The following RET variants were observed in gnomAD, a reference collection of about 807,000 sequenced individuals.
RET encodes proto-oncogene tyrosine-protein kinase receptor Ret.
In RET, 19 loss-of-function variants were observed where a neutral mutation model predicts 118.3. The observed-to-expected ratio is 0.16, with a 90% CI of 0.11 to 0.24. The LOEUF (loss-of-function observed/expected upper bound fraction) is 0.24. Among genes scored for constraint, RET ranks in the 10% least tolerant of loss-of-function variants. RET has a pLI of 1.00. For synonymous variants in RET, 597 were observed against 644.1 expected, an observed-to-expected ratio of 0.93 and a Z score of 1.11; for missense variants, 1,219 against 1,502.1, an observed-to-expected ratio of 0.81 and a Z score of 3.12.
In RET at chr10:43,114,858, C is replaced by T. The variant is rs1324711908; in HGVS notation, c.2136+122C>T. On this transcript the variant is annotated intron_variant, in intron 11 of 19. Coordinates refer to ENST00000355710, the MANE Select transcript of RET (RefSeq NM_020975.6). This position sits in a 1 kb window ranked among gnomAD's most constrained non-coding sequence, Gnocchi z 4.6. Reference sequence around the variant, plus strand: ...GGCTGCCAACGCTGGGCAGACGAGGCCTGTGTTCTGCCCCCATTTCCATAG... The same window carrying T: ...GGCTGCCAACGCTGGGCAGACGAGGTCTGTGTTCTGCCCCCATTTCCATAG... The T allele has an allele frequency of 9.2e-7, 1 of 1,081,586 alleles. No individual in the cohort carries two copies. Among genetic ancestry groups the T allele is most frequent in the East Asian group, 2.6e-5 (1 of 38,552 alleles). The allele number at this position is 1,081,586 out of a possible 1,614,324, so 67.0% of individuals were successfully genotyped here. A position where few individuals can be genotyped will look rare whatever the true frequency, so the allele number is the denominator to read the frequency against.
At chr10:43,118,074 TC>T (rs1159716255) in intron 12 of RET, among the ~76,000 whole-genome samples, 3 of 152,194 alleles carry the variant, frequency 2.0e-5, no homozygotes, top group African/African-American at 7.2e-5. Flanking sequence ...ACGACTGTCT[TC>T]TAAAGACAAT....
At chr10:43,117,662 GA>G (rs1295133691) in intron 12 of RET, among the ~76,000 whole-genome samples, 26 of 152,348 alleles carry the variant, frequency 1.7e-4, no homozygotes, top group African/African-American at 6.3e-4. Context: ...CCACCATCGG[GA>G]CGCATGTGCT....
At position 43,129,912 on chromosome 10, in the gene RET, G is replaced by A; in HGVS notation, c.*1643G>A. ...ATATCTATAGACATGGTAAACTTTT[G>A]GTTTTCAGATATGCTTAATGATAGT... On this transcript the variant is annotated 3_prime_UTR_variant, in exon 20 of 20. Transcript: ENST00000355710. The A allele has an allele frequency of 5.0e-6, 2 of 398,802 alleles. No homozygotes were observed. The highest frequency in any genetic ancestry group is 6.3e-4 in the Middle Eastern group (1 of 1,586). 24.7% of individuals were successfully genotyped at this position (398,802 alleles called of 1,614,324 possible).
In RET at chr10:43,106,875, C is replaced by A. The variant is rs1837792914; in HGVS notation, c.1063+304C>A. Among the ~76,000 whole-genome samples, 1 of 152,224 alleles carries A rather than the reference C, an allele frequency of 6.6e-6. No individual in the cohort carries two copies. Among genetic ancestry groups the A allele is most frequent in the Non-Finnish European group, 1.5e-5 (1 of 68,032 alleles). On this transcript the variant is annotated intron_variant, in intron 5 of 19. Coordinates refer to ENST00000355710, the MANE Select transcript of RET (RefSeq NM_020975.6). The surrounding 1 kb of genome is among the most constrained non-coding windows in gnomAD (Gnocchi z 5.1). ...CACCACCGACTGCAAACACACATGT[C>A]ACCTGAGGCTTTCCTCCAGCCCCTG...
Position 43,106,274 on chromosome 10 carries a change from C to A in RET, c.868-102C>A. On this transcript the variant is annotated intron_variant, in intron 4 of 19. Transcript: ENST00000355710. This position sits in a 1 kb window ranked among gnomAD's most constrained non-coding sequence, Gnocchi z 5.1. ...CTCTGACAACACACATCTGGTCCAC[C>A]TATGGGCTGTGTGGGACGTGCAGCA... The A allele has an allele frequency of 8.6e-7, 1 of 1,156,318 alleles. No individual in the cohort carries two copies. Among genetic ancestry groups the A allele is most frequent in the Non-Finnish European group, 1.3e-6 (1 of 794,692 alleles). 71.6% of individuals were successfully genotyped at this position (1,156,318 alleles called of 1,614,324 possible). A position where few individuals can be genotyped will look rare whatever the true frequency, so the allele number is the denominator to read the frequency against.
In RET at chr10:43,111,164, C is replaced by T. The variant is rs374278957; in HGVS notation, c.1264-43C>T. 508 of 1,610,638 alleles carry T rather than the reference C, an allele frequency of 3.2e-4. 1 individual carries two copies. The East Asian group carries it at 6.4e-3, about 20-fold the overall frequency. On this transcript the variant is annotated intron_variant, in intron 6 of 19. Transcript: ENST00000355710. The stretch of plus-strand genomic sequence containing the variant: ...TCTCTACCCTCAGGCCATTACAGGC[C>T]GGTCCAGCTGCCTGGCTAAGGTGTT...
At chr10:43,127,255 C>T (rs897642544) in intron 19 of RET, 1 of 1,072,958 alleles carries the variant, frequency 9.3e-7, no homozygotes, top group Non-Finnish European at 1.1e-6. Context: ...GTCCCAGCCA[C>T]ATGTCCTCCA....
Position 43,102,448 on chromosome 10 carries a change from C to G in RET, c.444C>G (p.Ser148=), listed in dbSNP as rs1554817550. ...QWPGCARVYF[S]FFNTSFPACS... ...CAGGCTGTGCCCGCGTATACTTCTC[C>G]TTCTTCAACACCTCCTTTCCAGCCT... The change falls in exon 3 of 20, where the codon TCC becomes TCG. Residue 148 remains serine (S), a synonymous_variant. Transcript: ENST00000355710. 6.2e-7 allele frequency: 1 copy of G among 1,614,142 alleles called. No homozygotes were observed. Among genetic ancestry groups the G allele is most frequent in the Admixed American group, 1.7e-5 (1 of 60,008 alleles).
In RET at chr10:43,110,627, T is replaced by C. The variant is rs564860738; in HGVS notation, c.1264-580T>C. ...ATCCCCAGGAGAAGAGGCTCCTCTT[T>C]CCCAGAGGCTCTGCTCAAAGTCCCA... is the stretch of plus-strand genomic sequence containing the variant. On this transcript the variant is annotated intron_variant, in intron 6 of 19. Coordinates refer to ENST00000355710, the MANE Select transcript of RET (RefSeq NM_020975.6). Among the ~76,000 whole-genome samples, 13 of 152,218 alleles carry C rather than the reference T, an allele frequency of 8.5e-5. No homozygotes were observed. The South Asian group carries it at 2.7e-3, about 32-fold the overall frequency.
In RET at chr10:43,111,201, C is replaced by T. The variant is rs1255010070; in HGVS notation, c.1264-6C>T. The stretch of plus-strand genomic sequence containing the variant: ...CTGGCTAAGGTGTTCCCCTGTGCCC[C>T]CCTAGATCGGGAAAGTCTGTGTGGA... On this transcript the variant is annotated splice_region_variant and splice_polypyrimidine_tract_variant and intron_variant, in intron 6 of 19. Transcript: ENST00000355710. 4 of 1,613,644 alleles carry T rather than the reference C, an allele frequency of 2.5e-6. No individual in the cohort carries two copies. The highest frequency in any genetic ancestry group is 1.7e-6 in the Non-Finnish European group (2 of 1,179,922).
intron 3 of RET, 42 bp downstream of exon 3, chr10:43,102,671 C>T (rs1267634778): frequency 1.1e-5 from 17 of 1,611,452 alleles, no homozygotes; most frequent in Non-Finnish European, 1.4e-5. Flanking sequence ...GTGCCTGCTA[C>T]TGCTGGTCTT....
intron 1 of RET, among the ~76,000 whole-genome samples, chr10:43,098,012 T>C (rs1180359438): frequency 1.3e-5 from 2 of 152,240 alleles, no homozygotes; most frequent in African/African-American, 2.4e-5. Context: ...TGCAGGTTCT[T>C]AATGGATTTT....
chr10:43,095,852 G>T (rs567802387), intron 1 of RET, among the ~76,000 whole-genome samples: 7 of 152,240 alleles, frequency 4.6e-5, no homozygotes, highest in Non-Finnish European at 8.8e-5. Context: ...GAGCAAGCAG[G>T]ACCTTCCCCC....
intron 9 of RET, 21 bp downstream of exon 9, chr10:43,112,984 G>A (rs1386563608): frequency 6.3e-7 from 1 of 1,595,304 alleles, no homozygotes. Context: ...TTTAATCAGG[G>A]CATGGGAACA....
chr10:43,088,391 T>A (rs879778894), intron 1 of RET, among the ~76,000 whole-genome samples: 3 of 147,840 alleles, frequency 2.0e-5, no homozygotes, highest in Admixed American at 6.7e-5. Flanking sequence ...GTGATGGTGA[T>A]GGTGGTGGTG....
At chr10:43,091,744 A>G (rs1166880256) in intron 1 of RET, among the ~76,000 whole-genome samples, 1 of 151,634 alleles carries the variant, frequency 6.6e-6, no homozygotes, top group Non-Finnish European at 1.5e-5. Flanking sequence ...AAAGATTCTC[A>G]GCATTGCCAC....
Position 43,113,673 on chromosome 10 carries a change from A to G in RET, c.1877A>G (p.Gln626Arg). 2 of 1,613,194 alleles carry G rather than the reference A, an allele frequency of 1.2e-6. No homozygotes were observed. Among genetic ancestry groups the G allele is most frequent in the Non-Finnish European group, 1.7e-6 (2 of 1,179,850 alleles). The change falls in exon 10 of 20, where the codon CAG becomes CGG. Residue 626 changes from glutamine (Q) to arginine (R), a missense_variant and splice_region_variant. Coordinates refer to ENST00000355710, the MANE Select transcript of RET (RefSeq NM_020975.6). ...EKCFCEPEDIQDPLCDELCRT... is the reference protein window; with the variant it reads ...EKCFCEPEDIRDPLCDELCRT... ...TGCTTCTGCGAGCCCGAAGACATCC[A>G]GGGTGAGTGGGTGGCGGCCGGGACC...
chr10:43,093,063 C>G (rs984975250), intron 1 of RET, among the ~76,000 whole-genome samples: 2 of 152,176 alleles, frequency 1.3e-5, no homozygotes, highest in African/African-American at 2.4e-5. Flanking sequence ...TAAATTTATT[C>G]ATTCAGCTCA....
chr10:43,104,662 G>A, intron 3 of RET: 1 of 558,700 alleles, frequency 1.8e-6, no homozygotes, highest in Non-Finnish European at 3.2e-6. Context: ...CCTACTGGTT[G>A]ATCAGGGTGC....
Sources: allele counts gnomAD v4.1 joint callset (sites outside exome capture counted in the v4.1 genomes callset), GRCh38; gene constraint gnomAD v4.1.1; non-coding constraint Gnocchi (gnomAD v3.1); transcripts MANE v1.5; gene names NCBI Gene and HGNC (gene_info 2026-07-23, HGNC 2026-07-21).